The following LIN28B variants were observed in gnomAD, a reference collection of about 807,000 sequenced individuals.
LIN28B encodes lin-28 RNA binding posttranscriptional regulator B.
Under a neutral mutation model 21.9 loss-of-function variants are expected in LIN28B, and 5 were observed. That is an observed-to-expected ratio of 0.23 (90% CI 0.12 to 0.48). The LOEUF is 0.48. Ranked by LOEUF, LIN28B falls within the 20% of genes least tolerant of loss-of-function variation. The probability of loss-of-function intolerance (pLI) is 0.98; values close to 1 mark genes in which losing one functional copy is unlikely to be tolerated. For missense variants in LIN28B, 245 were observed against 310.5 expected (o/e 0.79, Z 1.58); for synonymous variants, 109 against 111.3 (o/e 0.98, Z 0.13).
chr6:105,005,884 T>C (rs1462343443), intron 2 of LIN28B, among the ~76,000 whole-genome samples: 1 of 152,238 alleles, frequency 6.6e-6, no homozygotes, highest in Non-Finnish European at 1.5e-5. Flanking sequence ...GTTGATTCTT[T>C]AAATTTCTCT....
At chr6:104,965,924 T>C (rs914225735) in intron 2 of LIN28B, among the ~76,000 whole-genome samples, 1 of 152,210 alleles carries the variant, frequency 6.6e-6, no homozygotes, top group African/African-American at 2.4e-5. Context: ...TGTAAGATAG[T>C]ATAGAATGAT....
chr6:105,026,278 C>G lies in LIN28B; in HGVS notation c.199-20C>G. ...TTTTAATCTCTCTTTTTCTCCCCCA[C>G]CCTCTTCTGCTCTTTACAGAGCAAA... On this transcript the variant is annotated intron_variant, in intron 2 of 3. Transcript: ENST00000345080. 6.9e-7 allele frequency: 1 copy of G among 1,441,388 alleles called. No individual in the cohort carries two copies. Among genetic ancestry groups the G allele is most frequent in the Non-Finnish European group, 9.4e-7 (1 of 1,066,744 alleles). The allele number at this position is 1,441,388 out of a possible 1,614,324, so 89.3% of individuals were successfully genotyped here.
chr6:105,004,727 A>G (rs1222965848), intron 2 of LIN28B, among the ~76,000 whole-genome samples: 1 of 152,172 alleles, frequency 6.6e-6, no homozygotes, highest in East Asian at 1.9e-4. Flanking sequence ...TTTCCCATGT[A>G]AGTATCATTA....
At chr6:104,988,048 A>G (rs772796407) in intron 2 of LIN28B, among the ~76,000 whole-genome samples, 10 of 152,214 alleles carry the variant, frequency 6.6e-5, no homozygotes, top group South Asian at 2.1e-4. Flanking sequence ...CCGGCCATCA[A>G]TATTCTTCTA....
intron 3 of LIN28B, among the ~76,000 whole-genome samples, chr6:105,031,566 C>T (rs1771424746): frequency 6.7e-6 from 1 of 149,792 alleles, no homozygotes; most frequent in Non-Finnish European, 1.5e-5. Flanking sequence ...TGGAGTCTGG[C>T]TCCATCGCCC....
At position 105,080,580 on chromosome 6, in the gene LIN28B, T is replaced by C. The variant is rs1441777950; in HGVS notation, c.*1797T>C. On this transcript the variant is annotated 3_prime_UTR_variant, in exon 4 of 4. Transcript: ENST00000345080. ...AATCTGCGTGGTATACACTGAAATA[T>C]CGGTGTGCTGTGATGCAAAGCTTAC... The C allele has an allele frequency of 6.6e-6, 1 of 152,616 alleles. No homozygotes were observed. Among genetic ancestry groups the C allele is most frequent in the Non-Finnish European group, 1.5e-5 (1 of 68,048 alleles). 9.5% of individuals were successfully genotyped at this position (152,616 alleles called of 1,614,324 possible).
chr6:105,067,275 C>A (rs1562112867), intron 3 of LIN28B, among the ~76,000 whole-genome samples: 1 of 151,990 alleles, frequency 6.6e-6, no homozygotes, highest in Non-Finnish European at 1.5e-5. Flanking sequence ...TCAGTAAGAC[C>A]AAATAGAGTC....
intron 2 of LIN28B, among the ~76,000 whole-genome samples, chr6:104,985,533 ATTTG>A (rs965276730): frequency 6.6e-6 from 1 of 152,086 alleles, no homozygotes. Context: ...GTTTTTATAT[ATTTG>A]TTCAGCAAAT....
intron 3 of LIN28B, among the ~76,000 whole-genome samples, chr6:105,067,810 A>T (rs769522919): frequency 6.6e-6 from 1 of 152,188 alleles, no homozygotes; most frequent in Non-Finnish European, 1.5e-5. Flanking sequence ...AATGATATAT[A>T]AAAATGTCTG....
intron 2 of LIN28B, among the ~76,000 whole-genome samples, chr6:104,996,587 G>A (rs764618287): frequency 2.0e-5 from 3 of 152,162 alleles, no homozygotes; most frequent in Admixed American, 1.3e-4. Context: ...TAGTAAGTCT[G>A]TATTGGGAAT....
intron 2 of LIN28B, among the ~76,000 whole-genome samples, chr6:104,959,064 TTAATACC>T (rs1769656048): frequency 6.6e-6 from 1 of 152,172 alleles, no homozygotes; most frequent in South Asian, 2.1e-4. Context: ...TAAAGATGTT[TTAATACC>T]AAACAGAATT....
At chr6:104,975,996 C>T (rs1304985022) in intron 2 of LIN28B, among the ~76,000 whole-genome samples, 2 of 152,054 alleles carry the variant, frequency 1.3e-5, no homozygotes, top group Non-Finnish European at 2.9e-5. Context: ...GTGCTATGTC[C>T]TGATGAAGAA....
Position 104,957,188 on chromosome 6 carries a change from C to T in LIN28B, c.-63C>T. 1 of 1,613,828 alleles carries T rather than the reference C, an allele frequency of 6.2e-7. No homozygotes were observed. Among genetic ancestry groups the T allele is most frequent in the Non-Finnish European group, 8.5e-7 (1 of 1,179,780 alleles). ...AAGATGTTAGATTGATGCAGAAGAT[C>T]ACTCCGTTCCAAAGGGAAAGTTTTC... On this transcript the variant is annotated 5_prime_UTR_variant, in exon 1 of 4. Transcript: ENST00000345080.
intron 2 of LIN28B, among the ~76,000 whole-genome samples, chr6:104,975,230 G>A (rs945799628): frequency 2.0e-5 from 3 of 152,038 alleles, no homozygotes; most frequent in African/African-American, 7.2e-5. Context: ...GAAAGATAGA[G>A]TAATATCTTA....
At chr6:105,043,706 TA>T (rs1392338586) in intron 3 of LIN28B, among the ~76,000 whole-genome samples, 1 of 151,890 alleles carries the variant, frequency 6.6e-6, no homozygotes, top group Non-Finnish European at 1.5e-5. Flanking sequence ...CTGAGCCACT[TA>T]TGTAGCTAGG....
intron 2 of LIN28B, among the ~76,000 whole-genome samples, chr6:104,967,596 AAAAG>A (rs1363505648): frequency 3.7e-4 from 55 of 149,218 alleles, no homozygotes; most frequent in Admixed American, 1.0e-3. Context: ...AAAAAAAAAA[AAAAG>A]AAAGAAAGAA....
intron 2 of LIN28B, among the ~76,000 whole-genome samples, chr6:104,969,385 C>T (rs1048375074): frequency 6.6e-6 from 1 of 151,984 alleles, no homozygotes; most frequent in African/African-American, 2.4e-5. Context: ...CTATTCATTG[C>T]TTATCTTTTC....
chr6:105,075,224 T>C (rs1433746867), intron 3 of LIN28B, among the ~76,000 whole-genome samples: 1 of 152,234 alleles, frequency 6.6e-6, no homozygotes, highest in Non-Finnish European at 1.5e-5. Context: ...ATGATATTTT[T>C]ATGCTCACAT....
At chr6:105,024,194 G>C (rs143329176) in intron 2 of LIN28B, among the ~76,000 whole-genome samples, 1 of 152,058 alleles carries the variant, frequency 6.6e-6, no homozygotes, top group African/African-American at 2.4e-5. Context: ...GTTTTGCCAC[G>C]TTGGCCAGGC....
Sources: allele counts gnomAD v4.1 joint callset (sites outside exome capture counted in the v4.1 genomes callset), GRCh38; gene constraint gnomAD v4.1.1; transcripts MANE v1.5; gene names NCBI Gene and HGNC (gene_info 2026-07-23, HGNC 2026-07-21).